EXOC4: variants seen among roughly 807,000 people sequenced by gnomAD.
EXOC4 encodes the protein exocyst complex component 4.
A neutral mutation model predicts 107.2 loss-of-function variants in EXOC4; 71 were observed. The observed-to-expected ratio is 0.66, with a 90% CI of 0.55 to 0.81. The LOEUF (loss-of-function observed/expected upper bound fraction) is 0.81. EXOC4 is among the 30% of genes least tolerant of loss of function. The pLI, the probability that EXOC4 is intolerant of heterozygous loss-of-function variation, is 0.00. For synonymous variants in EXOC4, 456 were observed against 441.2 expected, an observed-to-expected ratio of 1.03 and a Z score of -0.42; for missense variants, 1,108 against 1,189.6, an observed-to-expected ratio of 0.93 and a Z score of 1.01.
At chr7:133,646,492 C>T (rs149511526) in intron 10 of EXOC4, among the ~76,000 whole-genome samples, 7 of 151,916 alleles carry the variant, frequency 4.6e-5, no homozygotes, top group Non-Finnish European at 1.0e-4. Flanking sequence ...TTCAAATGGC[C>T]TTGATATTTC....
At chr7:133,937,009 A>G (rs951342607) in intron 13 of EXOC4, among the ~76,000 whole-genome samples, 6 of 152,176 alleles carry the variant, frequency 3.9e-5, no homozygotes, top group African/African-American at 1.4e-4. Flanking sequence ...AAAAGGAAAG[A>G]GAGCTGTGGA....
At chr7:134,055,640 C>G (rs1167925627) in intron 17 of EXOC4, among the ~76,000 whole-genome samples, 1 of 152,134 alleles carries the variant, frequency 6.6e-6, no homozygotes, top group Non-Finnish European at 1.5e-5. Context: ...CATTTCCAAC[C>G]CTGGTCGTCA....
At chr7:134,023,485 T>G (rs983227765) in intron 17 of EXOC4, among the ~76,000 whole-genome samples, 2 of 152,198 alleles carry the variant, frequency 1.3e-5, no homozygotes, top group African/African-American at 2.4e-5. Flanking sequence ...AGTATTTATT[T>G]TGTATAACTT....
chr7:133,614,186 G>C (rs969143906), intron 9 of EXOC4, among the ~76,000 whole-genome samples: 2 of 152,110 alleles, frequency 1.3e-5, no homozygotes, highest in Admixed American at 1.3e-4. Context: ...ATTAGGAGGA[G>C]AAGCAAACAC....
intron 10 of EXOC4, among the ~76,000 whole-genome samples, chr7:133,736,212 C>T (rs1443647570): frequency 6.6e-6 from 1 of 152,218 alleles, no homozygotes; most frequent in African/African-American, 2.4e-5. Flanking sequence ...TCAAGATACT[C>T]TTCTACCCCA....
chr7:133,777,283 G>GAA, intron 10 of EXOC4, among the ~76,000 whole-genome samples: 1 of 454 alleles, frequency 2.2e-3, no homozygotes, highest in Non-Finnish European at 5.3e-3. Flanking sequence ...GAGAGAAAGA[G>GAA]AGAGAGAGAG....
intron 17 of EXOC4, among the ~76,000 whole-genome samples, chr7:134,054,253 A>G (rs1447903525): frequency 6.6e-6 from 1 of 152,120 alleles, no homozygotes; most frequent in Non-Finnish European, 1.5e-5. Flanking sequence ...AGGAAATAAG[A>G]AATGCTCTGG....
At position 133,542,620 on chromosome 7, in the gene EXOC4, G is replaced by A. The variant is rs1800402190; in HGVS notation, c.1417+62482G>A. Among the ~76,000 whole-genome samples the A allele has an allele frequency of 2.0e-5, 3 of 152,142 alleles. No individual in the cohort carries two copies. The South Asian group carries it at 6.2e-4, about 32-fold the overall frequency. Reference sequence around the variant, plus strand: ...AGAGGGATTCTAGTTTCTGTGGGTAGCCTTGGGGGAGAATAGGACTGAGGA... The same window carrying A: ...AGAGGGATTCTAGTTTCTGTGGGTAACCTTGGGGGAGAATAGGACTGAGGA... On this transcript the variant is annotated intron_variant, in intron 9 of 17. Coordinates refer to ENST00000253861, the MANE Select transcript of EXOC4 (RefSeq NM_021807.4).
At chr7:133,769,910 T>C (rs930393570) in intron 10 of EXOC4, among the ~76,000 whole-genome samples, 3 of 151,890 alleles carry the variant, frequency 2.0e-5, no homozygotes, top group Non-Finnish European at 4.4e-5. Context: ...TGTGTAGTTA[T>C]AGCAAGTGCC....
At chr7:133,663,112 G>T (rs1251788990) in intron 10 of EXOC4, among the ~76,000 whole-genome samples, 1 of 152,132 alleles carries the variant, frequency 6.6e-6, no homozygotes, top group African/African-American at 2.4e-5. Flanking sequence ...CCACCATTGT[G>T]ACCAGCTATT....
At chr7:133,850,044 G>A (rs1224440004) in intron 11 of EXOC4, among the ~76,000 whole-genome samples, 1 of 152,100 alleles carries the variant, frequency 6.6e-6, no homozygotes, top group East Asian at 1.9e-4. Context: ...AATATGTTCA[G>A]GAACTATTTT....
At chr7:134,008,214 G>A (rs1251676715) in intron 17 of EXOC4, among the ~76,000 whole-genome samples, 1 of 152,134 alleles carries the variant, frequency 6.6e-6, no homozygotes, top group Admixed American at 6.5e-5. Flanking sequence ...TTTTTTGCAT[G>A]TGCTGTGTTG....
At chr7:133,809,636 C>T (rs191376165) in intron 10 of EXOC4, among the ~76,000 whole-genome samples, 2 of 152,312 alleles carry the variant, frequency 1.3e-5, no homozygotes, top group South Asian at 2.1e-4. Context: ...GGTTGTGATA[C>T]ATGGAATCAG....
chr7:133,483,924 A>G (rs1374518479), intron 9 of EXOC4: 1 of 1,040,896 alleles, frequency 9.6e-7, no homozygotes, highest in African/African-American at 1.6e-5. Context: ...TGAATAGTTC[A>G]GTCAAACCGT....
At chr7:133,336,162 A>G (rs1011200525) in intron 5 of EXOC4, among the ~76,000 whole-genome samples, 4 of 152,130 alleles carry the variant, frequency 2.6e-5, no homozygotes, top group Non-Finnish European at 5.9e-5. Flanking sequence ...TCTGTTGACT[A>G]TGTCCATTGA....
intron 10 of EXOC4, among the ~76,000 whole-genome samples, chr7:133,768,641 T>C (rs938692778): frequency 1.3e-5 from 2 of 152,014 alleles, no homozygotes; most frequent in African/African-American, 2.4e-5. Flanking sequence ...ATCTGGTTCA[T>C]AGTAAAGTGT....
At chr7:134,035,246 T>C (rs940208482) in intron 17 of EXOC4, among the ~76,000 whole-genome samples, 1 of 152,040 alleles carries the variant, frequency 6.6e-6, no homozygotes, top group Non-Finnish European at 1.5e-5. Flanking sequence ...GGTTTCTGTC[T>C]GTTGGTCAGG....
chr7:133,620,895 T>C (rs968243062), intron 9 of EXOC4, among the ~76,000 whole-genome samples: 2 of 152,228 alleles, frequency 1.3e-5, no homozygotes, highest in Non-Finnish European at 2.9e-5. Flanking sequence ...TAGGATAATG[T>C]CACAAAGGTA....
intron 17 of EXOC4, among the ~76,000 whole-genome samples, chr7:134,054,512 C>T (rs1221238349): frequency 1.3e-5 from 2 of 152,264 alleles, no homozygotes; most frequent in South Asian, 2.1e-4. Flanking sequence ...AGCCCCTCCC[C>T]GTTCACTAAC....
Sources: allele counts gnomAD v4.1 joint callset (sites outside exome capture counted in the v4.1 genomes callset), GRCh38; gene constraint gnomAD v4.1.1; transcripts MANE v1.5; gene names NCBI Gene and HGNC (gene_info 2026-07-23, HGNC 2026-07-21).